ZC3H18: variants seen among roughly 807,000 people sequenced by gnomAD.
ZC3H18 encodes the protein zinc finger CCCH domain-containing protein 18.
ZC3H18 carries 8 observed loss-of-function variants against 106.1 expected under a neutral mutation model. The observed-to-expected ratio is 0.08, with a 90% CI of 0.04 to 0.14. ZC3H18 has a LOEUF of 0.14. Among genes scored for constraint, ZC3H18 ranks in the 10% least tolerant of loss-of-function variants. ZC3H18 has a pLI of 1.00. For synonymous variants in ZC3H18, 635 were observed against 522.1 expected (o/e 1.22, Z -2.95); for missense variants, 1,318 against 1,278.4 (o/e 1.03, Z -0.47).
chr16:88,608,935 C>G lies in ZC3H18; in HGVS notation c.1090C>G (p.Leu364Val), dbSNP rs568414801. 6.2e-7 allele frequency: 1 copy of G among 1,610,622 alleles called. No homozygotes were observed. The highest frequency in any genetic ancestry group is 1.3e-5 in the African/African-American group (1 of 74,912). ...TTCTTTTTCATTGGCCCTTTTCAGA[C>G]TCGAGCCTTACGCAGACCCTTATTA... Reference protein sequence around the residue: ...RIPRDVRDTVLEPYADPYYDY... With the variant: ...RIPRDVRDTVVEPYADPYYDY... The change falls in exon 7 of 18, where the codon CTC becomes GTC. Residue 364 changes from leucine (L) to valine (V), a missense_variant and splice_region_variant. Physicochemically the swap from Leu to Val is conservative, Grantham distance 32. Coordinates refer to ENST00000301011, the MANE Select transcript of ZC3H18 (RefSeq NM_144604.4).
rs1338562645 is a variant in ZC3H18, at chr16:88,600,401, G to C, written c.1088+453G>C. ...CTGCTTCTCCTCCAGGGCATTGATG[G>C]CTGGTTTTTGTTTTTTGGTTTTTTT... On this transcript the variant is annotated intron_variant, in intron 6 of 17. Coordinates refer to ENST00000301011, the MANE Select transcript of ZC3H18 (RefSeq NM_144604.4). Among the ~76,000 whole-genome samples the C allele has an allele frequency of 3.9e-5, 6 of 152,274 alleles. 1 individual carries two copies. The South Asian group carries it at 1.0e-3, about 26-fold the overall frequency.
chr16:88,598,418 C>T, intron 4 of ZC3H18, 92 bp downstream of exon 4: 1 of 1,522,116 alleles, frequency 6.6e-7, no homozygotes. Flanking sequence ...TGCCTTAGCA[C>T]AGGCTCAGTG....
intron 6 of ZC3H18, among the ~76,000 whole-genome samples, chr16:88,601,496 C>T (rs1291112166): frequency 1.3e-5 from 2 of 152,028 alleles, no homozygotes; most frequent in African/African-American, 2.4e-5. Context: ...GGAAGTGGTT[C>T]GGCAGGTCTC....
intron 2 of ZC3H18, among the ~76,000 whole-genome samples, chr16:88,581,190 T>TG (rs1028911579): frequency 2.0e-5 from 3 of 152,356 alleles, no homozygotes; most frequent in African/African-American, 7.2e-5. Flanking sequence ...AAAAAACAGA[T>TG]GGGGTCTCAC....
intron 9 of ZC3H18, chr16:88,623,005 G>A: frequency 1.5e-6 from 1 of 657,450 alleles, no homozygotes. Flanking sequence ...ATTTCTAAAT[G>A]CCGTTCTGCA....
chr16:88,625,452 C>T (rs1344976936), intron 13 of ZC3H18, 185 bp downstream of exon 13: 3 of 679,558 alleles, frequency 4.4e-6, no homozygotes, highest in Admixed American at 2.9e-5. Flanking sequence ...GGCCAGGACT[C>T]GTGATAGGAA....
intron 1 of ZC3H18, among the ~76,000 whole-genome samples, chr16:88,571,851 G>T (rs923955834): frequency 6.6e-6 from 1 of 152,144 alleles, no homozygotes; most frequent in Admixed American, 6.5e-5. Flanking sequence ...AGTCCATGAG[G>T]TTATGAGTCA....
chr16:88,577,858 A>G, intron 2 of ZC3H18, 132 bp downstream of exon 2: 1 of 1,514,376 alleles, frequency 6.6e-7, no homozygotes, highest in East Asian at 2.3e-5. Context: ...GGAGAATGAG[A>G]GGCTTGTTTT....
intron 8 of ZC3H18, among the ~76,000 whole-genome samples, chr16:88,613,856 C>T (rs530285212): frequency 5.3e-5 from 8 of 152,164 alleles, no homozygotes; most frequent in African/African-American, 1.7e-4. Flanking sequence ...GTGTTCTCTT[C>T]TAAGAGTTTC....
chr16:88,631,231 C>A lies in ZC3H18; in HGVS notation c.2794C>A (p.Leu932Met). The change falls in exon 18 of 18, where the codon CTG (leucine) becomes ATG (methionine). Residue 932 changes from leucine to methionine, a missense_variant. This residue lies in a region of ZC3H18 where 13 missense variants were observed against 40.8 expected (regional missense o/e 0.32). Transcript: ENST00000301011. ...CACGCTGTCTCGGCGGGAGGAGCTG[C>A]TGAAACAGCTGAAGGCCGTGGAGGA... is the stretch of plus-strand genomic sequence containing the variant. Reference protein sequence around the residue: ...ASTLSRREELLKQLKAVEDAI... With the variant: ...ASTLSRREELMKQLKAVEDAI... 1 of 1,613,020 alleles carries A rather than the reference C, an allele frequency of 6.2e-7. No individual in the cohort carries two copies. Among genetic ancestry groups the A allele is most frequent in the Non-Finnish European group, 8.5e-7 (1 of 1,179,702 alleles).
At chr16:88,609,415 A>T (rs1284801109) in intron 7 of ZC3H18, among the ~76,000 whole-genome samples, 1 of 151,924 alleles carries the variant, frequency 6.6e-6, no homozygotes, top group East Asian at 1.9e-4. Context: ...CTCCATCCTC[A>T]GCCTCCCGAG....
In ZC3H18 at chr16:88,598,335, T is replaced by A; in HGVS notation, c.837+9T>A. The A allele has an allele frequency of 1.3e-6, 2 of 1,590,726 alleles. No individual in the cohort carries two copies. Among genetic ancestry groups the A allele is most frequent in the Non-Finnish European group, 1.7e-6 (2 of 1,171,570 alleles). Reference sequence around the variant, plus strand: ...TGCCCGCCAACCCTTGGGTGCGTGATGCCTCTTCTTTCATTGTTAGCACAT... The same window carrying A: ...TGCCCGCCAACCCTTGGGTGCGTGAAGCCTCTTCTTTCATTGTTAGCACAT... On this transcript the variant is annotated intron_variant, in intron 4 of 17. Coordinates refer to ENST00000301011, the MANE Select transcript of ZC3H18 (RefSeq NM_144604.4).
intron 1 of ZC3H18, among the ~76,000 whole-genome samples, chr16:88,572,872 C>G (rs1914499484): frequency 6.6e-6 from 1 of 152,044 alleles, no homozygotes; most frequent in African/African-American, 2.4e-5. Context: ...ATTCTCCTGC[C>G]TCAGCCTCCT....
chr16:88,611,332 A>G lies in ZC3H18; in HGVS notation c.1271A>G (p.Asp424Gly). ...GAGCGCGAGCGGGAGCGGGAGCGGG[A>G]CCGAGAGCGGGAGCGCCGGCAGAGG... ...QRERERERERDRERERRQRER... is the reference protein window; with the variant it reads ...QRERERERERGRERERRQRER... The change falls in exon 8 of 18, where the codon GAC (aspartate) becomes GGC (glycine). Residue 424 changes from aspartate to glycine, a missense_variant. Asp to Gly is a moderately conservative substitution (Grantham distance 94). Around this residue, in one of 6 missense-constraint regions of ZC3H18, gnomAD observed 848 missense variants for 821.7 expected, o/e 1.03. Transcript: ENST00000301011. 1 of 756,124 alleles carries G rather than the reference A, an allele frequency of 1.3e-6. No homozygotes were observed. The highest frequency in any genetic ancestry group is 2.4e-6 in the Non-Finnish European group (1 of 424,986). 46.8% of individuals were successfully genotyped at this position (756,124 alleles called of 1,614,324 possible).
intron 1 of ZC3H18, among the ~76,000 whole-genome samples, chr16:88,574,943 C>T (rs942617634): frequency 6.6e-6 from 1 of 150,930 alleles, no homozygotes; most frequent in Admixed American, 6.6e-5. Context: ...CATTCTCCTG[C>T]CTCAGCCTCC....
chr16:88,628,435 C>T (rs1906452562), intron 15 of ZC3H18, among the ~76,000 whole-genome samples: 1 of 152,208 alleles, frequency 6.6e-6, no homozygotes, highest in African/African-American at 2.4e-5. Flanking sequence ...CCTCTGTCCT[C>T]AGCAGGACAC....
intron 8 of ZC3H18, among the ~76,000 whole-genome samples, chr16:88,620,831 T>C (rs533304722): frequency 2.0e-4 from 31 of 152,130 alleles, no homozygotes; most frequent in Non-Finnish European, 3.5e-4. Flanking sequence ...AAGATTTATA[T>C]ATAAGGGGTC....
intron 1 of ZC3H18, among the ~76,000 whole-genome samples, chr16:88,573,325 G>A (rs1171786401): frequency 6.6e-6 from 1 of 152,126 alleles, no homozygotes; most frequent in East Asian, 1.9e-4. Flanking sequence ...AGATAGTATA[G>A]GGTGTTACTA....
At chr16:88,607,150 CAA>C (rs1395376430) in intron 6 of ZC3H18, among the ~76,000 whole-genome samples, 1 of 152,210 alleles carries the variant, frequency 6.6e-6, no homozygotes, top group African/African-American at 2.4e-5. Context: ...CCTCCCTGTT[CAA>C]TGAAGAATCC....
Sources: gnomAD v4.1 joint callset for allele counts (sites outside exome capture counted in the v4.1 genomes callset) on GRCh38, gnomAD v4.1.1 for gene constraint, gnomAD v4.1.1 regional missense constraint, MANE v1.5 for transcripts, NCBI Gene and HGNC (gene_info 2026-07-23, HGNC 2026-07-21) for gene names.